The following ZCCHC4 variants were observed in gnomAD, a reference collection of about 807,000 sequenced individuals.
ZCCHC4 encodes zinc finger CCHC-type containing 4, also known as rRNA N(6)-adenosine-methyltransferase ZCCHC4.
A neutral mutation model predicts 67.7 loss-of-function variants in ZCCHC4; 54 were observed. The ratio of observed to expected loss-of-function variants is 0.80; its 90% CI spans 0.64 to 1.00. The LOEUF is 1.00. Among genes scored for constraint, ZCCHC4 ranks in the 50% least tolerant of loss-of-function variants. The pLI is 0.00. For missense variants in ZCCHC4, 609 were observed against 617.0 expected (o/e 0.99, Z 0.14); for synonymous variants, 198 against 213.5 (o/e 0.93, Z 0.63).
At chr4:25,366,016 A>ATTATATG in intron 12 of ZCCHC4, 2 of 981,622 alleles carry the variant, frequency 2.0e-6, no homozygotes, top group Non-Finnish European at 2.4e-6. Flanking sequence ...ATTATATGAA[A>ATTATATG]ATTCAGATTG....
At chr4:25,358,655 A>C (rs1459727523) in intron 8 of ZCCHC4, among the ~76,000 whole-genome samples, 5 of 152,248 alleles carry the variant, frequency 3.3e-5, no homozygotes, top group Non-Finnish European at 7.3e-5. Flanking sequence ...TGCTTTAGTC[A>C]GGAGTAGGCC....
chr4:25,326,678 T>G (rs1041485425), intron 3 of ZCCHC4, among the ~76,000 whole-genome samples: 2 of 152,190 alleles, frequency 1.3e-5, no homozygotes, highest in African/African-American at 4.8e-5. Flanking sequence ...TTATAGGTCC[T>G]TTTTATTTTC....
rs1165883553 is a variant in ZCCHC4 at position 25,340,276 on chromosome 4, T to C, written c.687-5272T>C. Among the ~76,000 whole-genome samples the C allele has an allele frequency of 2.0e-5, 3 of 152,190 alleles. No homozygotes were observed. In the East Asian group the frequency reaches 5.8e-4, roughly 29 times the overall value. On this transcript the variant is annotated intron_variant, in intron 5 of 12. Transcript: ENST00000302874. Reference sequence around the variant, plus strand: ...AGACTGTTCTTTTCCCATTGAATTGTCTTGGTACCACAATGAAAACAAAAG... The same window carrying C: ...AGACTGTTCTTTTCCCATTGAATTGCCTTGGTACCACAATGAAAACAAAAG...
At chr4:25,362,417 T>C in intron 10 of ZCCHC4, 116 bp downstream of exon 10, 1 of 573,150 alleles carries the variant, frequency 1.7e-6, no homozygotes, top group Admixed American at 3.8e-5. Flanking sequence ...TAATATGTAT[T>C]ATCATTTATT....
intron 5 of ZCCHC4, among the ~76,000 whole-genome samples, chr4:25,336,776 T>C (rs1246807718): frequency 6.6e-6 from 1 of 152,218 alleles, no homozygotes; most frequent in Non-Finnish European, 1.5e-5. Context: ...TGTGAAACAC[T>C]GTGCCTGGTG....
intron 5 of ZCCHC4, among the ~76,000 whole-genome samples, chr4:25,341,668 C>T (rs968494717): frequency 1.3e-5 from 2 of 152,198 alleles, no homozygotes; most frequent in African/African-American, 4.8e-5. Context: ...TGGACTGACA[C>T]AGAAGGTAAA....
rs1720633561 is a variant in ZCCHC4, at chr4:25,359,363, AAG to A, written c.1012-2493_1012-2492del. ...GAGGCCTGGCTACACAGCTCAGAAA[AAG>A]AGTTAGAAGCTGCCATGAATGGGGA... On this transcript the variant is annotated intron_variant, in intron 8 of 12. Coordinates refer to ENST00000302874, the MANE Select transcript of ZCCHC4 (RefSeq NM_024936.3). This position sits in a 1 kb window ranked among gnomAD's most constrained non-coding sequence, Gnocchi z 4.9. 6.6e-6 allele frequency among the ~76,000 whole-genome samples: 1 copy of A among 152,112 alleles called. No individual in the cohort carries two copies. Among genetic ancestry groups the A allele is most frequent in the Non-Finnish European group, 1.5e-5 (1 of 68,014 alleles).
intron 5 of ZCCHC4, among the ~76,000 whole-genome samples, chr4:25,344,862 G>A (rs1719929459): frequency 6.6e-6 from 1 of 151,100 alleles, no homozygotes; most frequent in Non-Finnish European, 1.5e-5. Flanking sequence ...GAGTATAGTG[G>A]TGTGATCTTG....
intron 5 of ZCCHC4, among the ~76,000 whole-genome samples, chr4:25,334,914 T>A (rs551396957): frequency 2.8e-4 from 43 of 152,160 alleles, no homozygotes; most frequent in African/African-American, 1.0e-3. Flanking sequence ...CATAGCCCAC[T>A]GTACCCTCAA....
chr4:25,338,117 C>T (rs78101264), intron 5 of ZCCHC4, among the ~76,000 whole-genome samples: 1,629 of 152,230 alleles, frequency 0.011, 39 homozygotes, highest in African/African-American at 0.036. Context: ...TTTGAGACAA[C>T]ATCTTGCTCT....
chr4:25,362,554 C>T (rs1000349100), intron 10 of ZCCHC4, among the ~76,000 whole-genome samples: 1 of 152,070 alleles, frequency 6.6e-6, no homozygotes, highest in Non-Finnish European at 1.5e-5. Context: ...ATCAGCGTCT[C>T]AAATAAGGCA....
intron 8 of ZCCHC4, among the ~76,000 whole-genome samples, chr4:25,353,185 ATAAC>A (rs1720379755): frequency 6.6e-6 from 1 of 152,220 alleles, no homozygotes; most frequent in South Asian, 2.1e-4. Flanking sequence ...GGTAATATAA[ATAAC>A]ACTGCTGTAA....
chr4:25,349,702 T>C (rs1720199099), intron 7 of ZCCHC4, 60 bp downstream of exon 7: 2 of 1,544,458 alleles, frequency 1.3e-6, no homozygotes, highest in Admixed American at 1.8e-5. Flanking sequence ...CTGTCAAATA[T>C]TAGCTGAGCT....
At chr4:25,357,203 A>G (rs992160814) in intron 8 of ZCCHC4, among the ~76,000 whole-genome samples, 2 of 152,230 alleles carry the variant, frequency 1.3e-5, no homozygotes, top group Admixed American at 1.3e-4. Flanking sequence ...AATAGCTATC[A>G]GATCCTCCCA....
At chr4:25,325,610 TTTA>T (rs1419313385) in intron 3 of ZCCHC4, among the ~76,000 whole-genome samples, 1 of 152,228 alleles carries the variant, frequency 6.6e-6, no homozygotes, top group Non-Finnish European at 1.5e-5. Flanking sequence ...TTTAAAATTT[TTTA>T]TTAAGTTCAA....
chr4:25,360,994 G>A (rs1376488078), intron 8 of ZCCHC4, among the ~76,000 whole-genome samples: 1 of 152,160 alleles, frequency 6.6e-6, no homozygotes, highest in African/African-American at 2.4e-5. Flanking sequence ...TGATACCTGG[G>A]TGGTCTATCA....
rs1226800559 is a variant in ZCCHC4 at position 25,365,114 on chromosome 4, G to T, written c.1354G>T (p.Asp452Tyr). The change falls in exon 12 of 13, where the codon GAT (aspartate) becomes TAT (tyrosine). Residue 452 changes from aspartate to tyrosine, a missense_variant. Asp to Tyr is a radical substitution (Grantham distance 160, BLOSUM62 -3). Transcript: ENST00000302874. ...TGGCTGCTTTATTTGTGGTGAACTG[G>T]ATCATAAACGCAGTACTTGTCCTAA... ...KHGCFICGEL[D>Y]HKRSTCPNIA... The T allele has an allele frequency of 6.2e-7, 1 of 1,614,046 alleles. No individual in the cohort carries two copies. Among genetic ancestry groups the T allele is most frequent in the Non-Finnish European group, 8.5e-7 (1 of 1,180,024 alleles).
At position 25,369,202 on chromosome 4, in the gene ZCCHC4, C is replaced by T; in HGVS notation, c.*38C>T. On this transcript the variant is annotated 3_prime_UTR_variant, in exon 13 of 13. Coordinates refer to ENST00000302874, the MANE Select transcript of ZCCHC4 (RefSeq NM_024936.3). ...TGGAGAATAAGAAAGATTTATGGTC[C>T]AACCTTTGATGCCATTTTCTGAAAG... is the stretch of plus-strand genomic sequence containing the variant. The T allele has an allele frequency of 6.2e-7, 1 of 1,602,116 alleles. No individual in the cohort carries two copies. Among genetic ancestry groups the T allele is most frequent in the Non-Finnish European group, 8.5e-7 (1 of 1,177,206 alleles).
intron 4 of ZCCHC4, 75 bp from the exon 5 acceptor site, chr4:25,333,833 G>T: frequency 2.0e-6 from 2 of 1,018,002 alleles, no homozygotes; most frequent in South Asian, 1.8e-5. Context: ...AACATTGATG[G>T]TTTTGTTGTT....
Sources: allele counts gnomAD v4.1 joint callset (sites outside exome capture counted in the v4.1 genomes callset), GRCh38; gene constraint gnomAD v4.1.1; non-coding constraint Gnocchi (gnomAD v3.1); transcripts MANE v1.5; gene names NCBI Gene and HGNC (gene_info 2026-07-23, HGNC 2026-07-21).